The following PRKCZ variants were observed in gnomAD, a reference collection of about 807,000 sequenced individuals.
PRKCZ encodes protein kinase C zeta, also known as protein kinase C zeta type.
In PRKCZ, 33 loss-of-function variants were observed where a neutral mutation model predicts 79.5. The observed-to-expected ratio is 0.41, with a 90% CI of 0.31 to 0.55. PRKCZ has a LOEUF of 0.55. Among genes scored for constraint, PRKCZ ranks in the 20% least tolerant of loss-of-function variants. The probability of loss-of-function intolerance (pLI) is 0.19; values close to 1 mark genes in which losing one functional copy is unlikely to be tolerated. For synonymous variants in PRKCZ, 342 were observed against 320.9 expected (o/e 1.07, Z -0.70); for missense variants, 578 against 813.5 (o/e 0.71, Z 3.52).
chr1:2,105,371 A>G (rs1394291260), intron 4 of PRKCZ, among the ~76,000 whole-genome samples: 1 of 152,178 alleles, frequency 6.6e-6, no homozygotes, highest in African/African-American at 2.4e-5. Context: ...AAGTAAGTGC[A>G]CTAGGCATTT....
At chr1:2,118,154 G>A (rs1350974058) in intron 4 of PRKCZ, among the ~76,000 whole-genome samples, 4 of 150,962 alleles carry the variant, frequency 2.6e-5, no homozygotes, top group Non-Finnish European at 4.4e-5. Flanking sequence ...GTGCCACCAC[G>A]CCTGGTTAAT....
At chr1:2,091,941 T>C (rs998071690) in intron 4 of PRKCZ, among the ~76,000 whole-genome samples, 5 of 152,202 alleles carry the variant, frequency 3.3e-5, no homozygotes, top group Admixed American at 1.3e-4. Context: ...ATAAAATCTT[T>C]ATAAAAATTA....
chr1:2,073,973 G>T, intron 4 of PRKCZ: 1 of 1,393,444 alleles, frequency 7.2e-7, no homozygotes, highest in South Asian at 1.6e-5. Context: ...GCGCCCCCGG[G>T]GCCGGGCCAG....
chr1:2,053,115 C>CTT (rs35888403), intron 1 of PRKCZ, among the ~76,000 whole-genome samples: 33 of 144,596 alleles, frequency 2.3e-4, no homozygotes, highest in East Asian at 1.0e-3. Flanking sequence ...TCAGCTCAGA[C>CTT]TTTTTTTTTT....
At chr1:2,110,340 C>G (rs1287548776) in intron 4 of PRKCZ, among the ~76,000 whole-genome samples, 1 of 152,234 alleles carries the variant, frequency 6.6e-6, no homozygotes, top group Non-Finnish European at 1.5e-5. Flanking sequence ...GTGATCAGAG[C>G]AGGCAGGACC....
At chr1:2,081,761 G>A (rs1326088006) in intron 4 of PRKCZ, among the ~76,000 whole-genome samples, 1 of 152,086 alleles carries the variant, frequency 6.6e-6, no homozygotes, top group African/African-American at 2.4e-5. Context: ...GTGGGACTCG[G>A]CAGGTCCCTG....
At chr1:2,065,678 CAAAAAAA>C (rs61017134) in intron 4 of PRKCZ, among the ~76,000 whole-genome samples, 1 of 56,106 alleles carries the variant, frequency 1.8e-5, no homozygotes, top group Non-Finnish European at 3.9e-5. Flanking sequence ...GACTCTGTCT[CAAAAAAA>C]AAAAAAAAAA....
chr1:2,172,485 T>TA lies in PRKCZ; in HGVS notation c.1285+98dup. 2 of 1,301,734 alleles carry TA rather than the reference T, an allele frequency of 1.5e-6. No individual in the cohort carries two copies. Among genetic ancestry groups the TA allele is most frequent in the Non-Finnish European group, 2.1e-6 (2 of 956,642 alleles). 80.6% of individuals were successfully genotyped at this position (1,301,734 alleles called of 1,614,324 possible). On this transcript the variant is annotated intron_variant, in intron 13 of 17. Coordinates refer to ENST00000378567, the MANE Select transcript of PRKCZ (RefSeq NM_002744.6). The surrounding 1 kb of genome is among the most constrained non-coding windows in gnomAD (Gnocchi z 7.8). ...CAGGGAGAGGTGTCCTTGACCATCT[T>TA]ACACCCAAAAGCCACACACTGTCTT...
At chr1:2,152,302 A>G (rs941971055) in intron 9 of PRKCZ, among the ~76,000 whole-genome samples, 3 of 152,102 alleles carry the variant, frequency 2.0e-5, no homozygotes, top group African/African-American at 4.8e-5. Flanking sequence ...GGAGGCTGAG[A>G]CAGGTGGATT....
intron 4 of PRKCZ, among the ~76,000 whole-genome samples, chr1:2,069,647 G>A (rs1170532387): frequency 2.0e-5 from 3 of 152,196 alleles, no homozygotes; most frequent in Non-Finnish European, 2.9e-5. Flanking sequence ...TTCCCCTGGT[G>A]GGTGGTGGGC....
At chr1:2,153,195 A>G (rs758803849) in intron 9 of PRKCZ, among the ~76,000 whole-genome samples, 5 of 152,172 alleles carry the variant, frequency 3.3e-5, no homozygotes, top group Non-Finnish European at 5.9e-5. Context: ...TTTGACTCCC[A>G]TGTCTCTGAT....
intron 10 of PRKCZ, 98 bp downstream of exon 10, chr1:2,156,190 GT>G (rs1681011111): frequency 1.2e-5 from 14 of 1,148,624 alleles, no homozygotes; most frequent in Middle Eastern, 2.0e-4. Flanking sequence ...CACCTGTAAG[GT>G]TCTCCCAGTT....
Position 2,177,670 on chromosome 1 carries a change from G to A in PRKCZ, c.1575+2357G>A, listed in dbSNP as rs533318920. ...AGGTCTGCGTCCCTGCAGCGAGCACGCCAGGTGATCTCTGGCACACACTTG... is the reference window on the plus strand; with the variant it reads ...AGGTCTGCGTCCCTGCAGCGAGCACACCAGGTGATCTCTGGCACACACTTG... On this transcript the variant is annotated intron_variant, in intron 16 of 17. Coordinates refer to ENST00000378567, the MANE Select transcript of PRKCZ (RefSeq NM_002744.6). This position sits in a 1 kb window ranked among gnomAD's most constrained non-coding sequence, Gnocchi z 6.4. Among the ~76,000 whole-genome samples the A allele has an allele frequency of 2.0e-5, 3 of 152,280 alleles. No individual in the cohort carries two copies. Among genetic ancestry groups the A allele is most frequent in the Admixed American group, 6.5e-5 (1 of 15,306 alleles).
intron 1 of PRKCZ, among the ~76,000 whole-genome samples, chr1:2,054,437 C>T (rs1659965609): frequency 6.6e-6 from 1 of 152,002 alleles, no homozygotes; most frequent in Non-Finnish European, 1.5e-5. Flanking sequence ...GGGGGGACCT[C>T]GGGTCCCTAT....
chr1:2,163,041 A>G (rs983984945), intron 10 of PRKCZ, among the ~76,000 whole-genome samples: 35 of 152,282 alleles, frequency 2.3e-4, no homozygotes, highest in African/African-American at 7.7e-4. Context: ...CACCCACCTC[A>G]GCCGCTGCAA....
intron 4 of PRKCZ, chr1:2,074,135 A>T: frequency 1.3e-6 from 2 of 1,537,654 alleles, no homozygotes; most frequent in Non-Finnish European, 1.8e-6. Flanking sequence ...CGGCTGCAGC[A>T]GCTCCCAGCA....
rs187381434 is a variant in PRKCZ, at chr1:2,144,049, G to T, written c.421-161G>T. 1,525 of 1,044,468 alleles carry T rather than the reference G, an allele frequency of 1.5e-3. 14 individuals are homozygous for T. The highest frequency in any genetic ancestry group is 0.01 in the South Asian group (603 of 58,002). The allele number at this position is 1,044,468 out of a possible 1,614,324, so 64.7% of individuals were successfully genotyped here. A position where few individuals can be genotyped will look rare whatever the true frequency, so the allele number is the denominator to read the frequency against. On this transcript the variant is annotated intron_variant, in intron 5 of 17. Transcript: ENST00000378567. ...GATAGACCCAAGAGGAGGCTCTCAA[G>T]CTTGGGCAAGCCTGGCGCCCGGAAG...
chr1:2,064,099 G>C (rs1040769532), intron 4 of PRKCZ, among the ~76,000 whole-genome samples: 6 of 152,144 alleles, frequency 3.9e-5, no homozygotes, highest in African/African-American at 1.4e-4. Flanking sequence ...CACCCACCTC[G>C]GCCTCCCAAA....
chr1:2,087,352 A>T (rs1308545291), intron 4 of PRKCZ, among the ~76,000 whole-genome samples: 1 of 151,926 alleles, frequency 6.6e-6, no homozygotes, highest in African/African-American at 2.4e-5. Context: ...CAAAGTGCTG[A>T]GATTATAGGT....
Sources: gnomAD v4.1 joint callset for allele counts (sites outside exome capture counted in the v4.1 genomes callset) on GRCh38, gnomAD v4.1.1 for gene constraint, Gnocchi (gnomAD v3.1) non-coding constraint, MANE v1.5 for transcripts, NCBI Gene and HGNC (gene_info 2026-07-23, HGNC 2026-07-21) for gene names.